Variants in FTO observed in about 807,000 individuals in gnomAD.
FTO encodes the protein FTO alpha-ketoglutarate dependent dioxygenase.
In FTO, 47 loss-of-function variants were observed where a neutral mutation model predicts 63.9. That is an observed-to-expected ratio of 0.74 (90% CI 0.58 to 0.94). FTO has a LOEUF of 0.94. Ranked by LOEUF, FTO falls within the 40% of genes least tolerant of loss-of-function variation. The pLI is 0.00. For missense variants in FTO, 562 were observed against 618.1 expected (o/e 0.91, Z 0.96); for synonymous variants, 207 against 224.4 (o/e 0.92, Z 0.69).
chr16:54,079,745 T>C (rs2086094168), intron 8 of FTO, among the ~76,000 whole-genome samples: 1 of 152,118 alleles, frequency 6.6e-6, no homozygotes, highest in East Asian at 1.9e-4. Flanking sequence ...ATGTCCTATC[T>C]AAGGAGGCAG....
chr16:53,797,851 A>G (rs2078116065), intron 1 of FTO, among the ~76,000 whole-genome samples: 1 of 151,998 alleles, frequency 6.6e-6, no homozygotes, highest in African/African-American at 2.4e-5. Flanking sequence ...TATGGATTTT[A>G]CTTCTGGGTT....
intron 1 of FTO, among the ~76,000 whole-genome samples, chr16:53,705,719 C>T (rs921198430): frequency 6.6e-6 from 1 of 152,196 alleles, no homozygotes; most frequent in African/African-American, 2.4e-5. Context: ...GAGGGCGACC[C>T]TTCTGCTTTA....
At chr16:53,970,446 C>A (rs564219812) in intron 8 of FTO, among the ~76,000 whole-genome samples, 1 of 151,674 alleles carries the variant, frequency 6.6e-6, no homozygotes, top group African/African-American at 2.4e-5. Context: ...AAAAATAAGC[C>A]GGTTGTGGTG....
chr16:53,737,556 AT>A, intron 1 of FTO, among the ~76,000 whole-genome samples: 1 of 152,356 alleles, frequency 6.6e-6, no homozygotes, highest in East Asian at 1.9e-4. Context: ...CATTATTGTA[AT>A]CTTATGGAAG....
chr16:53,871,953 C>T (rs1263763681), intron 4 of FTO, among the ~76,000 whole-genome samples: 1 of 152,110 alleles, frequency 6.6e-6, no homozygotes, highest in Non-Finnish European at 1.5e-5. Flanking sequence ...TCTCGAACTC[C>T]TGACCTCAGG....
At chr16:54,040,078 G>A (rs1172390178) in intron 8 of FTO, 5 of 152,168 alleles carry the variant, frequency 3.3e-5, no homozygotes, top group African/African-American at 1.2e-4. Flanking sequence ...TCAAATCAAA[G>A]TTCAAACCTA....
At chr16:54,019,646 A>G (rs1432941060) in intron 8 of FTO, among the ~76,000 whole-genome samples, 2 of 152,106 alleles carry the variant, frequency 1.3e-5, no homozygotes, top group African/African-American at 2.4e-5. Flanking sequence ...TTCCTTTGGC[A>G]TATAGGTTTC....
At chr16:54,075,140 T>G (rs961980033) in intron 8 of FTO, among the ~76,000 whole-genome samples, 3 of 152,200 alleles carry the variant, frequency 2.0e-5, no homozygotes, top group Non-Finnish European at 4.4e-5. Context: ...CTTTTTCTAA[T>G]TGATTCAAAT....
At chr16:54,085,254 A>T (rs983888401) in intron 8 of FTO, among the ~76,000 whole-genome samples, 4 of 152,180 alleles carry the variant, frequency 2.6e-5, no homozygotes, top group Admixed American at 1.3e-4. Context: ...CAGGCATGAC[A>T]ATTCCAATTA....
At chr16:53,907,932 A>G (rs1197615426) in intron 7 of FTO, among the ~76,000 whole-genome samples, 1 of 152,196 alleles carries the variant, frequency 6.6e-6, no homozygotes, top group Non-Finnish European at 1.5e-5. Context: ...TTGAGAGCTC[A>G]AGCTTTATTC....
intron 8 of FTO, chr16:54,072,161 T>C (rs1232037302): frequency 1.8e-4 from 28 of 152,238 alleles, no homozygotes; most frequent in African/African-American, 6.5e-4. Flanking sequence ...GTTGATGGTT[T>C]TGTTTGTGTT....
intron 8 of FTO, among the ~76,000 whole-genome samples, chr16:53,977,826 C>T (rs2083462524): frequency 6.6e-6 from 1 of 151,932 alleles, no homozygotes; most frequent in African/African-American, 2.4e-5. Flanking sequence ...TTAGTTAGTC[C>T]TGATTTATAT....
chr16:53,846,616 C>T (rs1598812480), intron 4 of FTO, among the ~76,000 whole-genome samples: 1 of 151,902 alleles, frequency 6.6e-6, no homozygotes. Context: ...GCCTGGCCAA[C>T]TTGATGAAAC....
intron 8 of FTO, among the ~76,000 whole-genome samples, chr16:54,063,135 A>G (rs777675851): frequency 1.3e-5 from 2 of 152,176 alleles, no homozygotes; most frequent in African/African-American, 2.4e-5. Flanking sequence ...GTTCAGGCAC[A>G]TTTGGTTTAG....
At chr16:54,079,527 G>C (rs1328932698) in intron 8 of FTO, among the ~76,000 whole-genome samples, 1 of 152,206 alleles carries the variant, frequency 6.6e-6, no homozygotes, top group African/African-American at 2.4e-5. Flanking sequence ...TGCGGGATTG[G>C]GAAACGCATG....
At chr16:53,948,857 A>G (rs1304496457) in intron 8 of FTO, among the ~76,000 whole-genome samples, 1 of 152,206 alleles carries the variant, frequency 6.6e-6, no homozygotes, top group Non-Finnish European at 1.5e-5. Flanking sequence ...AATAGAAGGA[A>G]TGACCCTGGC....
intron 8 of FTO, among the ~76,000 whole-genome samples, chr16:54,108,828 C>T (rs1043150536): frequency 6.6e-4 from 101 of 152,272 alleles, no homozygotes; most frequent in African/African-American, 2.3e-3. Context: ...CGTCATGCCC[C>T]TGGAGAGCAG....
chr16:53,939,916 G>A (rs2082488237), intron 8 of FTO, among the ~76,000 whole-genome samples: 1 of 152,108 alleles, frequency 6.6e-6, no homozygotes, highest in Non-Finnish European at 1.5e-5. Context: ...CATTTGGGTG[G>A]GTTGACTTTC....
chr16:53,800,542 T>G (rs2078192613), intron 1 of FTO, among the ~76,000 whole-genome samples: 1 of 152,192 alleles, frequency 6.6e-6, no homozygotes, highest in African/African-American at 2.4e-5. Context: ...GGTGCTTTTG[T>G]CTACTTGTTC....
Sources: gnomAD v4.1 joint callset for allele counts (sites outside exome capture counted in the v4.1 genomes callset) on GRCh38, gnomAD v4.1.1 for gene constraint, MANE v1.5 for transcripts, NCBI Gene and HGNC (gene_info 2026-07-23, HGNC 2026-07-21) for gene names.